Variants in FREM2 observed in about 807,000 individuals in gnomAD.
FREM2 encodes the protein FRAS1 related extracellular matrix 2, also known as FRAS1-related extracellular matrix protein 2.
FREM2 carries 119 observed loss-of-function variants against 219.9 expected under a neutral mutation model. The ratio of observed to expected loss-of-function variants is 0.54; its 90% confidence interval spans 0.47 to 0.63. FREM2 has a LOEUF of 0.63. Ranked by LOEUF, FREM2 falls within the 30% of genes least tolerant of loss-of-function variation. FREM2 has a pLI of 0.00. For synonymous variants in FREM2, 1,562 were observed against 1,522.8 expected, an observed-to-expected ratio of 1.03 and a Z score of -0.60; for missense variants, 4,030 against 3,993.6, an observed-to-expected ratio of 1.01 and a Z score of -0.25.
At chr13:38,840,486 A>G (rs1179678981) in intron 6 of FREM2, among the ~76,000 whole-genome samples, 3 of 149,070 alleles carry the variant, frequency 2.0e-5, no homozygotes, top group Non-Finnish European at 4.4e-5. Context: ...CAATGGTGCA[A>G]TATTGGCCCA....
intron 16 of FREM2, among the ~76,000 whole-genome samples, chr13:38,870,569 C>A (rs1205935905): frequency 6.6e-6 from 1 of 152,148 alleles, no homozygotes; most frequent in Non-Finnish European, 1.5e-5. Flanking sequence ...TTGCACTCTT[C>A]ACTTTTGAAG....
chr13:38,715,523 G>C (rs1281178518), intron 2 of FREM2, among the ~76,000 whole-genome samples: 2 of 151,866 alleles, frequency 1.3e-5, no homozygotes, highest in African/African-American at 4.8e-5. Context: ...ACACCTATCA[G>C]ACCTGATTCG....
At position 38,780,568 on chromosome 13, in the gene FREM2, T is replaced by TC. The variant is rs1395596647; in HGVS notation, c.5642-2496dup. Among the ~76,000 whole-genome samples the TC allele has an allele frequency of 3.9e-5, 6 of 152,240 alleles. No homozygotes were observed. The South Asian group carries it at 6.2e-4, about 16-fold the overall frequency. ...AAAGTATGTCAGATTATGGAAACCT[T>TC]CCCCCCATCTCCAAAGCCTTCTAAT... On this transcript the variant is annotated intron_variant, in intron 4 of 23. Transcript: ENST00000280481.
Position 38,880,620 on chromosome 13 carries a change from G to A in FREM2, c.9343G>A (p.Val3115Met). Residue 3115 changes from valine to methionine, a missense_variant, in exon 24 of 24, where the codon GTG becomes ATG. Physicochemically the swap from Val to Met is conservative, Grantham distance 21. Transcript: ENST00000280481. Reference protein sequence around the residue: ...PSSAVSLVTVVGGTTVGLLTI... With the variant: ...PSSAVSLVTVMGGTTVGLLTI... ...CTCTGCAGTCAGCCTGGTCACTGTG[G>A]TGGGAGGCACCACGGTAGGGTTACT... 1.9e-6 allele frequency: 3 copies of A among 1,613,852 alleles called. No homozygotes were observed. The highest frequency in any genetic ancestry group is 2.5e-6 in the Non-Finnish European group (3 of 1,179,728).
chr13:38,777,509 T>C (rs572380581), intron 4 of FREM2, among the ~76,000 whole-genome samples: 7 of 152,302 alleles, frequency 4.6e-5, no homozygotes, highest in Admixed American at 3.9e-4. Context: ...TACGTGTGCC[T>C]CAGAGGTAAA....
chr13:38,827,784 T>C (rs1027465227), intron 6 of FREM2, among the ~76,000 whole-genome samples: 1 of 152,140 alleles, frequency 6.6e-6, no homozygotes, highest in Non-Finnish European at 1.5e-5. Flanking sequence ...GACAGCATAA[T>C]CATCCACAAC....
intron 15 of FREM2, among the ~76,000 whole-genome samples, chr13:38,863,618 G>T (rs888024755): frequency 6.6e-6 from 1 of 152,116 alleles, no homozygotes; most frequent in East Asian, 1.9e-4. Context: ...TGACTTAATA[G>T]AAGATAACTG....
chr13:38,756,226 C>G (rs867770425), intron 2 of FREM2, among the ~76,000 whole-genome samples: 1 of 152,168 alleles, frequency 6.6e-6, no homozygotes, highest in Middle Eastern at 3.2e-3. Flanking sequence ...GTTACGTTTC[C>G]GTAAAATCAC....
intron 2 of FREM2, among the ~76,000 whole-genome samples, chr13:38,701,747 C>G (rs1342650568): frequency 6.6e-6 from 1 of 152,024 alleles, no homozygotes; most frequent in Non-Finnish European, 1.5e-5. Context: ...GCTCAAATAT[C>G]ATTTCCTCTC....
Position 38,692,154 on chromosome 13 carries a change from T to C in FREM2, c.4810T>C (p.Tyr1604His). The C allele has an allele frequency of 6.2e-7, 1 of 1,614,234 alleles. No homozygotes were observed. Among genetic ancestry groups the C allele is most frequent in the East Asian group, 2.2e-5 (1 of 44,884 alleles). ...AGACTTGAATGAAAACTTAATCAGC[T>C]ACAAACATGATGGCACTGAGTCAAG... ...KQDLNENLISYKHDGTESSED... is the reference protein window; with the variant it reads ...KQDLNENLISHKHDGTESSED... The change falls in exon 1 of 24, where the codon TAC becomes CAC. Residue 1604 changes from tyrosine (Y) to histidine (H), a missense_variant. This residue lies in a region of FREM2 where 3,102 missense variants were observed against 2,950.7 expected (regional missense o/e 1.05). Transcript: ENST00000280481.
At chr13:38,733,252 C>T (rs754935641) in intron 2 of FREM2, among the ~76,000 whole-genome samples, 1 of 151,158 alleles carries the variant, frequency 6.6e-6, no homozygotes, top group Non-Finnish European at 1.5e-5. Context: ...AGCCCCTACT[C>T]CTCATCTTGT....
Position 38,881,458 on chromosome 13 carries a change from A to G in FREM2, c.*671A>G, listed in dbSNP as rs1878546485. ...TGTTTGCATATTTAATTTTAAATTA[A>G]ACCAAAGAATATGTTAATTCTGAAA... On this transcript the variant is annotated 3_prime_UTR_variant, in exon 24 of 24. Coordinates refer to ENST00000280481, the MANE Select transcript of FREM2 (RefSeq NM_207361.6). 1 of 154,854 alleles carries G rather than the reference A, an allele frequency of 6.5e-6. No individual in the cohort carries two copies. The highest frequency in any genetic ancestry group is 1.4e-5 in the Non-Finnish European group (1 of 69,546). 9.6% of individuals were successfully genotyped at this position (154,854 alleles called of 1,614,324 possible).
At chr13:38,749,447 T>G (rs1872629021) in intron 2 of FREM2, among the ~76,000 whole-genome samples, 1 of 152,208 alleles carries the variant, frequency 6.6e-6, no homozygotes, top group Admixed American at 6.5e-5. Context: ...AAACATGAAT[T>G]ACCAAGAAAA....
At chr13:38,770,858 TAAAAAGAAAA>T (rs1345512104) in intron 4 of FREM2, among the ~76,000 whole-genome samples, 2 of 151,766 alleles carry the variant, frequency 1.3e-5, no homozygotes, top group Non-Finnish European at 2.9e-5. Context: ...CAGAAAGTTT[TAAAAAGAAAA>T]AAAAAGAAAA....
chr13:38,850,803 G>A, intron 9 of FREM2, 141 bp from the exon 10 acceptor site: 1 of 874,996 alleles, frequency 1.1e-6, no homozygotes, highest in Non-Finnish European at 1.9e-6. Flanking sequence ...AATATCTGCT[G>A]AAGGCTTATT....
intron 6 of FREM2, 21 bp downstream of exon 6, chr13:38,784,829 A>G: frequency 6.2e-7 from 1 of 1,613,300 alleles, no homozygotes; most frequent in Non-Finnish European, 8.5e-7. Context: ...ATTTACTTGA[A>G]AATTCTTTTT....
chr13:38,809,819 T>C (rs1293724807), intron 6 of FREM2, among the ~76,000 whole-genome samples: 1 of 152,132 alleles, frequency 6.6e-6, no homozygotes, highest in Non-Finnish European at 1.5e-5. Flanking sequence ...TCTGGGTCTT[T>C]TGTGATTCCA....
intron 4 of FREM2, among the ~76,000 whole-genome samples, chr13:38,780,849 A>T (rs902620679): frequency 1.3e-5 from 2 of 152,146 alleles, no homozygotes; most frequent in Non-Finnish European, 2.9e-5. Flanking sequence ...GAGCTTCCCC[A>T]TGCCAACAGC....
chr13:38,712,520 A>G lies in FREM2; in HGVS notation c.5263+14733A>G, dbSNP rs114403561. 9.3e-3 allele frequency among the ~76,000 whole-genome samples: 1,418 copies of G among 152,344 alleles called. 20 individuals carry two copies. The highest frequency in any genetic ancestry group is 0.032 in the African/African-American group (1,338 of 41,570). On this transcript the variant is annotated intron_variant, in intron 2 of 23. Transcript: ENST00000280481. ...TTGGTATATTTATTAATTAGAATAT[A>G]GAAAGCATTTTGTACCCATTTCAAT... is the stretch of plus-strand genomic sequence containing the variant.
Sources: gnomAD v4.1 joint callset for allele counts (sites outside exome capture counted in the v4.1 genomes callset) on GRCh38, gnomAD v4.1.1 for gene constraint, gnomAD v4.1.1 regional missense constraint, MANE v1.5 for transcripts, NCBI Gene and HGNC (gene_info 2026-07-23, HGNC 2026-07-21) for gene names.